PIEZO2: variants seen among roughly 807,000 people sequenced by gnomAD.
PIEZO2 encodes the protein piezo-type mechanosensitive ion channel component 2.
PIEZO2 carries 172 observed loss-of-function variants against 337.3 expected under a neutral mutation model. The observed-to-expected ratio is 0.51, with a 90% CI of 0.45 to 0.58. The LOEUF (loss-of-function observed/expected upper bound fraction) is 0.58. Among genes scored for constraint, PIEZO2 ranks in the 20% least tolerant of loss-of-function variants. The probability of loss-of-function intolerance (pLI) is 0.00; values close to 1 mark genes in which losing one functional copy is unlikely to be tolerated. For synonymous variants in PIEZO2, 1,251 were observed against 1,228.5 expected (o/e 1.02, Z -0.38); for missense variants, 3,028 against 3,391.3 (o/e 0.89, Z 2.66).
chr18:10,798,545 G>A lies in PIEZO2; in HGVS notation c.1379-1023C>T, dbSNP rs1041913890. On this transcript the variant is annotated intron_variant, in intron 11 of 55. Coordinates refer to ENST00000674853, the MANE Select transcript of PIEZO2 (RefSeq NM_001378183.1). ...AACACCAAATCTGATGGATTTTAGAGTTACTGCCATGCTGCTTCTCTGGTT... is the reference window on the plus strand; with the variant it reads ...AACACCAAATCTGATGGATTTTAGAATTACTGCCATGCTGCTTCTCTGGTT... Among the ~76,000 whole-genome samples, 10 of 152,276 alleles carry A rather than the reference G, an allele frequency of 6.6e-5. No homozygotes were observed. In the South Asian group the frequency reaches 1.0e-3, roughly 16 times the overall value.
chr18:10,917,728 G>C (rs1463291798), intron 3 of PIEZO2, among the ~76,000 whole-genome samples: 2 of 152,190 alleles, frequency 1.3e-5, no homozygotes, highest in African/African-American at 4.8e-5. Context: ...ATTCATGGAA[G>C]TGGTGGTTTT....
intron 1 of PIEZO2, among the ~76,000 whole-genome samples, chr18:11,079,982 G>C (rs1318460002): frequency 6.6e-6 from 1 of 152,224 alleles, no homozygotes; most frequent in East Asian, 1.9e-4. Context: ...TGACCTATTA[G>C]GTAGATACGG....
chr18:11,062,276 T>A (rs1414135302), intron 2 of PIEZO2, among the ~76,000 whole-genome samples: 2 of 152,092 alleles, frequency 1.3e-5, no homozygotes, highest in African/African-American at 4.8e-5. Flanking sequence ...GATTAAAGAC[T>A]TAAATGTTAG....
In PIEZO2 at chr18:10,704,412, C is replaced by T. The variant is rs747677367; in HGVS notation, c.6240G>A (p.Met2080Ile). 2.0e-6 allele frequency: 3 copies of T among 1,537,192 alleles called. No homozygotes were observed. The highest frequency in any genetic ancestry group is 1.7e-6 in the Non-Finnish European group (2 of 1,146,912). Residue 2080 changes from methionine to isoleucine, a missense_variant, in exon 42 of 56, where the codon ATG (methionine) becomes ATA (isoleucine). By Grantham distance (10) the Met-to-Ile change is conservative. Transcript: ENST00000674853. ...VPRPSRRFWM[M>I]AIVYTEVAIV... The stretch of plus-strand genomic sequence containing the variant: ...GGCCTACCTCAGTATAGACGATGGC[C>T]ATCATCCAGAACCGGCGGCTGGGCC...
intron 1 of PIEZO2, among the ~76,000 whole-genome samples, chr18:11,074,863 T>C (rs6505615): frequency 0.14 from 21,822 of 152,244 alleles, 1,967 homozygotes; most frequent in African/African-American, 0.25. Flanking sequence ...TACCATTCTA[T>C]AGTAGCTCAA....
intron 36 of PIEZO2, among the ~76,000 whole-genome samples, chr18:10,729,051 T>TTAGGATTTG (rs1193268707): frequency 7.2e-5 from 11 of 152,136 alleles, no homozygotes; most frequent in African/African-American, 2.4e-4. Flanking sequence ...CAACATACTG[T>TTAGGATTTG]TAGGATTTGT....
At chr18:10,885,534 AAAC>A (rs1418406780) in intron 4 of PIEZO2, among the ~76,000 whole-genome samples, 8 of 152,190 alleles carry the variant, frequency 5.3e-5, no homozygotes, top group African/African-American at 1.9e-4. Flanking sequence ...AGGCAGTCTG[AAAC>A]AACATGATGT....
intron 8 of PIEZO2, among the ~76,000 whole-genome samples, chr18:10,804,432 G>A (rs1471907656): frequency 1.3e-5 from 2 of 152,336 alleles, no homozygotes; most frequent in Admixed American, 6.5e-5. Context: ...AAGCAAGAGC[G>A]TATCTATGCA....
At chr18:10,891,549 C>A (rs147245616) in intron 4 of PIEZO2, among the ~76,000 whole-genome samples, 244 of 152,184 alleles carry the variant, frequency 1.6e-3, no homozygotes, top group African/African-American at 5.2e-3. Flanking sequence ...AGGCATTGGC[C>A]CTGTTCAAAC....
intron 39 of PIEZO2, among the ~76,000 whole-genome samples, chr18:10,711,864 G>T (rs904019627): frequency 5.9e-5 from 9 of 152,114 alleles, no homozygotes; most frequent in African/African-American, 2.2e-4. Flanking sequence ...TTTTATTTTA[G>T]AATTTAAAAG....
At chr18:10,684,226 C>T (rs1280493827) in intron 49 of PIEZO2, among the ~76,000 whole-genome samples, 17 of 112,608 alleles carry the variant, frequency 1.5e-4, no homozygotes, top group African/African-American at 3.1e-4. Flanking sequence ...AGTGCAGTGG[C>T]GCGATCTTGG....
chr18:11,090,031 C>T (rs1468724755), intron 1 of PIEZO2, among the ~76,000 whole-genome samples: 1 of 152,186 alleles, frequency 6.6e-6, no homozygotes, highest in Non-Finnish European at 1.5e-5. Flanking sequence ...GCCAGCAGGG[C>T]TCTTCTGAGA....
At chr18:10,994,196 T>A (rs1208779314) in intron 2 of PIEZO2, among the ~76,000 whole-genome samples, 3 of 152,238 alleles carry the variant, frequency 2.0e-5, no homozygotes, top group Non-Finnish European at 4.4e-5. Flanking sequence ...CATTCCCTTT[T>A]ATGGCTGGGT....
chr18:11,134,812 TA>T (rs2040435340), intron 1 of PIEZO2, among the ~76,000 whole-genome samples: 1 of 151,946 alleles, frequency 6.6e-6, no homozygotes, highest in African/African-American at 2.4e-5. Context: ...ATAAAATAAA[TA>T]AAAATGTTTC....
rs1020623556 is a variant in PIEZO2, at chr18:11,032,034, G to A, written c.160+34093C>T. 6.6e-6 allele frequency among the ~76,000 whole-genome samples: 1 copy of A among 152,044 alleles called. No homozygotes were observed. The highest frequency in any genetic ancestry group is 1.5e-5 in the Non-Finnish European group (1 of 68,018). On this transcript the variant is annotated intron_variant, in intron 2 of 55. Transcript: ENST00000674853. The surrounding 1 kb of genome is among the most constrained non-coding windows in gnomAD (Gnocchi z 4.9). The stretch of plus-strand genomic sequence containing the variant: ...ATTTACTGCTGATTCCAATGACGAT[G>A]GCAATAAAGTAATGATGACAAGAGC...
Position 10,870,462 on chromosome 18 carries a change from T to C in PIEZO2, c.492+791A>G, listed in dbSNP as rs767289810. On this transcript the variant is annotated intron_variant, in intron 5 of 55. Coordinates refer to ENST00000674853, the MANE Select transcript of PIEZO2 (RefSeq NM_001378183.1). This position sits in a 1 kb window ranked among gnomAD's most constrained non-coding sequence, Gnocchi z 5.3. ...AAATGTCCAAATAAAATAGTCACTT[T>C]TTCCTTTATAAATGTTATCTTTCCA... is the stretch of plus-strand genomic sequence containing the variant. Among the ~76,000 whole-genome samples the C allele has an allele frequency of 4.6e-5, 7 of 151,320 alleles. No individual in the cohort carries two copies. Among genetic ancestry groups the C allele is most frequent in the Non-Finnish European group, 1.0e-4 (7 of 67,420 alleles).
At chr18:11,141,410 G>C (rs898783583) in intron 1 of PIEZO2, among the ~76,000 whole-genome samples, 2 of 152,168 alleles carry the variant, frequency 1.3e-5, no homozygotes, top group Non-Finnish European at 1.5e-5. Flanking sequence ...TAGGGCAGGG[G>C]AAGGCACATC....
chr18:10,853,406 C>T lies in PIEZO2; in HGVS notation c.917+1947G>A, dbSNP rs1395769850. ...GCTTTTTAATACATTGTCACTCATT[C>T]CTGCTCCAAAACTTGCCTCAGTCTC... On this transcript the variant is annotated intron_variant, in intron 7 of 55. Transcript: ENST00000674853. This position sits in a 1 kb window ranked among gnomAD's most constrained non-coding sequence, Gnocchi z 4.2. 6.6e-6 allele frequency among the ~76,000 whole-genome samples: 1 copy of T among 152,218 alleles called. No individual in the cohort carries two copies. Among genetic ancestry groups the T allele is most frequent in the African/African-American group, 2.4e-5 (1 of 41,440 alleles).
chr18:11,143,639 A>ACACACACTCT lies in PIEZO2; in HGVS notation c.64+4885_64+4886insAGAGTGTGTG, dbSNP rs1473731967. On this transcript the variant is annotated intron_variant, in intron 1 of 55. Transcript: ENST00000674853. The surrounding 1 kb of genome is among the most constrained non-coding windows in gnomAD (Gnocchi z 4.9). Reference sequence around the variant, plus strand: ...CACACACACACACACACACACACACACTCTCTCTCTCTCTCTCTCTCTCTC... The same window carrying ACACACACTCT: ...CACACACACACACACACACACACACACACACACTCTCTCTCTCTCTCTCTCTCTCTCTCTC... Among the ~76,000 whole-genome samples, 4 of 92,804 alleles carry ACACACACTCT rather than the reference A, an allele frequency of 4.3e-5. No homozygotes were observed. The highest frequency in any genetic ancestry group is 2.1e-4 in the African/African-American group (4 of 18,758). 60.9% of individuals were successfully genotyped at this position (92,804 alleles called of 152,430 possible). A position where few individuals can be genotyped will look rare whatever the true frequency, so the allele number is the denominator to read the frequency against.
Sources: gnomAD v4.1 joint callset for allele counts (sites outside exome capture counted in the v4.1 genomes callset) on GRCh38, gnomAD v4.1.1 for gene constraint, Gnocchi (gnomAD v3.1) non-coding constraint, MANE v1.5 for transcripts, NCBI Gene and HGNC (gene_info 2026-07-23, HGNC 2026-07-21) for gene names.